The following CHODL variants were observed in gnomAD, a reference collection of about 807,000 sequenced individuals.
CHODL encodes transmembrane protein MT75.
CHODL carries 29 observed loss-of-function variants against 34.5 expected under a neutral mutation model. That is an observed-to-expected ratio of 0.84 (90% confidence interval 0.63 to 1.15). The LOEUF is 1.15. CHODL is among the 50% of genes most tolerant of loss of function. The pLI is 0.00. For missense variants in CHODL, 332 were observed against 332.5 expected (o/e 1.00, Z 0.01); for synonymous variants, 125 against 116.1 (o/e 1.08, Z -0.49).
intron 2 of CHODL, among the ~76,000 whole-genome samples, chr21:18,032,339 G>A (rs975552696): frequency 2.6e-5 from 4 of 151,954 alleles, no homozygotes; most frequent in Non-Finnish European, 4.4e-5. Context: ...CAATTTTTAT[G>A]TATCATTTAA....
chr21:18,058,557 A>C (rs1182311816), intron 2 of CHODL, among the ~76,000 whole-genome samples: 1 of 152,206 alleles, frequency 6.6e-6, no homozygotes, highest in East Asian at 1.9e-4. Context: ...AGCTTGGAGG[A>C]CATTATGTCA....
At chr21:17,983,198 C>CT (rs1038269717) in intron 1 of CHODL, among the ~76,000 whole-genome samples, 9 of 152,076 alleles carry the variant, frequency 5.9e-5, no homozygotes, top group African/African-American at 2.2e-4. Flanking sequence ...CATTCCATGC[C>CT]TATAGCCATA....
At chr21:18,122,387 A>T (rs1343078849) in intron 2 of CHODL, among the ~76,000 whole-genome samples, 1 of 152,280 alleles carries the variant, frequency 6.6e-6, no homozygotes, top group African/African-American at 2.4e-5. Context: ...TTTCTACTGA[A>T]GGAGGATAAT....
At chr21:18,245,868 T>A (rs2074134532) in intron 1 of CHODL, 1 of 1,528,750 alleles carries the variant, frequency 6.5e-7, no homozygotes, top group Non-Finnish European at 8.8e-7. Flanking sequence ...GTAGATGCCT[T>A]TCCTTTGCAC....
chr21:18,166,372 C>G (rs1480296025), intron 2 of CHODL, among the ~76,000 whole-genome samples: 1 of 152,110 alleles, frequency 6.6e-6, no homozygotes, highest in African/African-American at 2.4e-5. Context: ...GACTAGTAAC[C>G]TTAATTATAC....
At chr21:18,059,669 C>A (rs1488505925) in intron 2 of CHODL, among the ~76,000 whole-genome samples, 1 of 152,052 alleles carries the variant, frequency 6.6e-6, no homozygotes, top group Non-Finnish European at 1.5e-5. Context: ...CAATAGGGCC[C>A]AGTGTGAGTT....
rs78050389 is a variant in CHODL, at chr21:18,115,425, T to C, written c.-45+87454T>C. Among the ~76,000 whole-genome samples, 1,250 of 152,346 alleles carry C rather than the reference T, an allele frequency of 8.2e-3. 7 individuals carry two copies. Among genetic ancestry groups the C allele is most frequent in the Middle Eastern group, 0.024 (7 of 294 alleles). On this transcript the variant is annotated intron_variant, in intron 2 of 6. Coordinates refer to the CHODL transcript ENST00000400127. Reference sequence around the variant, plus strand: ...CTTAGAAGAACTTCCCACAAAGCTATGGCAGACTTATTCTGTAACTCCAGG... The same window carrying C: ...CTTAGAAGAACTTCCCACAAAGCTACGGCAGACTTATTCTGTAACTCCAGG...
intron 2 of CHODL, among the ~76,000 whole-genome samples, chr21:18,149,286 C>T (rs1434008201): frequency 1.3e-5 from 2 of 152,156 alleles, no homozygotes; most frequent in African/African-American, 4.8e-5. Flanking sequence ...ATGGACCATC[C>T]TCACACACAC....
chr21:18,233,620 A>T (rs1488862424), intron 2 of CHODL, among the ~76,000 whole-genome samples: 2 of 152,080 alleles, frequency 1.3e-5, no homozygotes, highest in Non-Finnish European at 2.9e-5. Context: ...ATCTAAGTTT[A>T]GCTTTAACAG....
rs181712998 is a variant in CHODL at position 18,005,236 on chromosome 21, T to C, written c.-144-22636T>C. ...CCAGCTGCCAATTTACTCTGTTGTC[T>C]CAATTTCTTTATTTGTGAAGTAGGA... On this transcript the variant is annotated intron_variant, in intron 1 of 6. Coordinates refer to the CHODL transcript ENST00000400127. Among the ~76,000 whole-genome samples the C allele has an allele frequency of 1.3e-3, 197 of 152,370 alleles. 1 individual carries two copies. The highest frequency in any genetic ancestry group is 2.0e-3 in the Non-Finnish European group (137 of 68,036).
chr21:18,020,420 C>T (rs1394208183), intron 1 of CHODL, among the ~76,000 whole-genome samples: 3 of 152,070 alleles, frequency 2.0e-5, no homozygotes, highest in Non-Finnish European at 2.9e-5. Flanking sequence ...GCAGTGGTAC[C>T]TTCATATATT....
At position 17,986,887 on chromosome 21, in the gene CHODL, A is replaced by G. The variant is rs551886548; in HGVS notation, c.-144-40985A>G. On this transcript the variant is annotated intron_variant, in intron 1 of 6. Transcript: ENST00000400127. ...GACCTTAGCATTATGATATAGATAC[A>G]TACGTTTTAATAGTGGGATGGTGCC... Among the ~76,000 whole-genome samples the G allele has an allele frequency of 6.3e-4, 96 of 152,266 alleles. 2 individuals carry two copies. Among genetic ancestry groups the G allele is most frequent in the Admixed American group, 6.3e-3 (96 of 15,276 alleles).
At chr21:18,118,579 T>C (rs76725140) in intron 2 of CHODL, among the ~76,000 whole-genome samples, 80 of 152,312 alleles carry the variant, frequency 5.3e-4, no homozygotes, top group African/African-American at 1.6e-3. Flanking sequence ...AACAAATGCA[T>C]CTTAAATGGG....
Position 18,257,048 on chromosome 21 carries a change from C to G in CHODL, c.468C>G (p.Gly156=). The G allele has an allele frequency of 1.2e-6, 2 of 1,613,912 alleles. No individual in the cohort carries two copies. Among genetic ancestry groups the G allele is most frequent in the Non-Finnish European group, 1.7e-6 (2 of 1,179,900 alleles). ...VMYHQPTANP[G]LGGPYLYQWN... The stretch of plus-strand genomic sequence containing the variant: ...ATCACCAACCAACTGCCAATCCTGG[C>G]CTTGGGGGTCCCTACCTTTACCAGT... The change falls in exon 3 of 6, where the codon GGC becomes GGG. Residue 156 remains glycine, a synonymous_variant. Coordinates refer to ENST00000299295, the MANE Select transcript of CHODL (RefSeq NM_024944.3).
At chr21:17,920,089 A>G (rs561557141) in intron 1 of CHODL, among the ~76,000 whole-genome samples, 1 of 152,172 alleles carries the variant, frequency 6.6e-6, no homozygotes, top group Non-Finnish European at 1.5e-5. Context: ...GGGAGTTCCA[A>G]ACTTTCCCAC....
At chr21:18,057,272 A>G (rs1326987055) in intron 2 of CHODL, among the ~76,000 whole-genome samples, 1 of 152,100 alleles carries the variant, frequency 6.6e-6, no homozygotes, top group Non-Finnish European at 1.5e-5. Flanking sequence ...TTTCTCAGGT[A>G]TATTTAATCT....
At chr21:17,967,771 T>C (rs981100720) in intron 1 of CHODL, among the ~76,000 whole-genome samples, 4 of 152,152 alleles carry the variant, frequency 2.6e-5, no homozygotes, top group Admixed American at 1.3e-4. Context: ...CTGACATATT[T>C]CTATTGGTTC....
At chr21:18,261,392 G>A (rs534570331) in intron 4 of CHODL, among the ~76,000 whole-genome samples, 4 of 151,636 alleles carry the variant, frequency 2.6e-5, no homozygotes, top group South Asian at 2.1e-4. Context: ...TAGGCTGGGC[G>A]CAGTGGCTCA....
At chr21:18,011,932 A>G (rs1023749773) in intron 1 of CHODL, among the ~76,000 whole-genome samples, 3 of 152,232 alleles carry the variant, frequency 2.0e-5, no homozygotes, top group East Asian at 1.9e-4. Context: ...AGAGAAGACT[A>G]CAAATCAACT....
Sources: gnomAD v4.1 joint callset for allele counts (sites outside exome capture counted in the v4.1 genomes callset) on GRCh38, gnomAD v4.1.1 for gene constraint, MANE v1.5 for transcripts, NCBI Gene and HGNC (gene_info 2026-07-23, HGNC 2026-07-21) for gene names.